Variants in DLG2 observed in about 807,000 individuals in gnomAD.
DLG2 encodes disks large homolog 2.
In DLG2, 45 loss-of-function variants were observed where a neutral mutation model predicts 132.5. The ratio of observed to expected loss-of-function variants is 0.34; its 90% CI spans 0.27 to 0.44. DLG2 has a LOEUF of 0.44. Among genes scored for constraint, DLG2 ranks in the 20% least tolerant of loss-of-function variants. DLG2 has a pLI of 1.00. For missense variants in DLG2, 1,045 were observed against 1,196.9 expected (o/e 0.87, Z 1.87); for synonymous variants, 424 against 419.6 (o/e 1.01, Z -0.13).
At chr11:84,600,210 AAG>A (rs1270827074) in intron 6 of DLG2, among the ~76,000 whole-genome samples, 1 of 137,000 alleles carries the variant, frequency 7.3e-6, no homozygotes, top group Non-Finnish European at 1.5e-5. Context: ...GAAAGAAAGA[AAG>A]AAAGAAAGAA....
intron 6 of DLG2, among the ~76,000 whole-genome samples, chr11:84,925,616 T>C (rs2092949250): frequency 6.6e-6 from 1 of 152,170 alleles, no homozygotes; most frequent in South Asian, 2.1e-4. Context: ...CAGAACAGTA[T>C]ATCTGCAAGA....
At chr11:84,293,943 T>C (rs934044093) in intron 7 of DLG2, among the ~76,000 whole-genome samples, 3 of 152,188 alleles carry the variant, frequency 2.0e-5, no homozygotes, top group Non-Finnish European at 4.4e-5. Context: ...GAACCTCCTG[T>C]CTAACGCCAT....
chr11:84,957,948 T>C (rs2051945118), intron 6 of DLG2, among the ~76,000 whole-genome samples: 1 of 152,184 alleles, frequency 6.6e-6, no homozygotes, highest in South Asian at 2.1e-4. Flanking sequence ...ATAAGGAGAC[T>C]GAGGGTATTA....
intron 19 of DLG2, among the ~76,000 whole-genome samples, chr11:83,600,236 G>GGGGTGTGTGT (rs142616504): frequency 4.7e-4 from 68 of 145,624 alleles, no homozygotes; most frequent in African/African-American, 1.3e-3. Flanking sequence ...CTAGCTATAG[G>GGGGTGTGTGT]GTGTGTGTGT....
intron 3 of DLG2, among the ~76,000 whole-genome samples, chr11:85,575,006 C>T (rs1393992440): frequency 6.6e-6 from 1 of 152,088 alleles, no homozygotes; most frequent in Non-Finnish European, 1.5e-5. Flanking sequence ...TGGAATATTA[C>T]AGAAAACCTC....
At chr11:84,703,912 GT>G (rs2059505656) in intron 6 of DLG2, among the ~76,000 whole-genome samples, 1 of 141,030 alleles carries the variant, frequency 7.1e-6, no homozygotes, top group Non-Finnish European at 1.5e-5. Flanking sequence ...GTGTGTGTGT[GT>G]GTGTATTTAT....
intron 6 of DLG2, among the ~76,000 whole-genome samples, chr11:84,885,935 T>C (rs2088213057): frequency 6.6e-6 from 1 of 152,096 alleles, no homozygotes; most frequent in Non-Finnish European, 1.5e-5. Context: ...TTCAATTAAA[T>C]AAGCTCCACA....
intron 22 of DLG2, among the ~76,000 whole-genome samples, chr11:83,476,070 A>G (rs2374424): frequency 0.63 from 95,662 of 151,940 alleles, 30,615 homozygotes; most frequent in African/African-American, 0.73. Flanking sequence ...GCAAATTGCC[A>G]TTCTTTAGGA....
chr11:85,548,755 C>T (rs1260796549), intron 3 of DLG2, among the ~76,000 whole-genome samples: 1 of 152,110 alleles, frequency 6.6e-6, no homozygotes, highest in Non-Finnish European at 1.5e-5. Context: ...GGGCTCCCCA[C>T]AATTTGAACT....
intron 7 of DLG2, among the ~76,000 whole-genome samples, chr11:84,256,515 A>G (rs2097474080): frequency 6.6e-6 from 1 of 152,228 alleles, no homozygotes; most frequent in African/African-American, 2.4e-5. Context: ...CACTCATGGT[A>G]CTAGGAACTA....
chr11:84,118,646 C>T (rs537300565), intron 9 of DLG2, among the ~76,000 whole-genome samples: 2 of 152,300 alleles, frequency 1.3e-5, no homozygotes, highest in Non-Finnish European at 2.9e-5. Flanking sequence ...TTAGAAGGTA[C>T]TTAACCCGAG....
intron 7 of DLG2, among the ~76,000 whole-genome samples, chr11:84,350,882 C>G (rs1014929015): frequency 6.6e-6 from 1 of 152,162 alleles, no homozygotes; most frequent in Non-Finnish European, 1.5e-5. Flanking sequence ...TTGAATTAAT[C>G]TAGGCCATCA....
At chr11:84,218,746 G>A (rs1029135490) in intron 8 of DLG2, among the ~76,000 whole-genome samples, 1 of 152,116 alleles carries the variant, frequency 6.6e-6, no homozygotes, top group Admixed American at 6.5e-5. Flanking sequence ...GAAACATTTG[G>A]CAATGTCTGT....
At chr11:84,756,002 A>G (rs944642030) in intron 6 of DLG2, among the ~76,000 whole-genome samples, 1 of 152,206 alleles carries the variant, frequency 6.6e-6, no homozygotes, top group African/African-American at 2.4e-5. Flanking sequence ...TAAAATTTGC[A>G]AAAAGGTTAT....
At chr11:84,604,014 C>A (rs1375949348) in intron 6 of DLG2, among the ~76,000 whole-genome samples, 1 of 151,862 alleles carries the variant, frequency 6.6e-6, no homozygotes, top group Non-Finnish European at 1.5e-5. Context: ...CACAAGGGAT[C>A]ATCATCATCA....
intron 7 of DLG2, among the ~76,000 whole-genome samples, chr11:84,511,780 T>A (rs1363403750): frequency 6.6e-6 from 1 of 152,110 alleles, no homozygotes; most frequent in Non-Finnish European, 1.5e-5. Context: ...ATGATAAAAC[T>A]CATTTGGCAT....
At chr11:84,911,741 A>C (rs142078831) in intron 6 of DLG2, among the ~76,000 whole-genome samples, 27 of 152,330 alleles carry the variant, frequency 1.8e-4, no homozygotes, top group Non-Finnish European at 3.1e-4. Flanking sequence ...TAAAAAGTTT[A>C]CTTTCCTCCA....
chr11:84,227,873 C>T (rs1420693808), intron 8 of DLG2, among the ~76,000 whole-genome samples: 1 of 147,322 alleles, frequency 6.8e-6, no homozygotes, highest in African/African-American at 2.5e-5. Flanking sequence ...AAGATCACAC[C>T]ACTGCACTAT....
intron 6 of DLG2, among the ~76,000 whole-genome samples, chr11:85,093,057 T>C (rs1215316153): frequency 6.6e-6 from 1 of 152,182 alleles, no homozygotes; most frequent in Non-Finnish European, 1.5e-5. Flanking sequence ...TTACACTCCT[T>C]TTAGACATTG....
Sources: gnomAD v4.1 joint callset for allele counts (sites outside exome capture counted in the v4.1 genomes callset) on GRCh38, gnomAD v4.1.1 for gene constraint, MANE v1.5 for transcripts, NCBI Gene and HGNC (gene_info 2026-07-23, HGNC 2026-07-21) for gene names.